Variants in ARIH1 observed in about 807,000 individuals in gnomAD.
ARIH1 encodes the protein E3 ubiquitin-protein ligase ARIH1.
A neutral mutation model predicts 85.0 loss-of-function variants in ARIH1; 8 were observed. That is an observed-to-expected ratio of 0.09 (90% CI 0.06 to 0.17). ARIH1 has a LOEUF of 0.17. Ranked by LOEUF, ARIH1 falls within the 10% of genes least tolerant of loss-of-function variation. The pLI, the probability that ARIH1 is intolerant of heterozygous loss-of-function variation, is 1.00. For synonymous variants in ARIH1, 238 were observed against 253.6 expected, an observed-to-expected ratio of 0.94 and a Z score of 0.59; for missense variants, 311 against 718.1, an observed-to-expected ratio of 0.43 and a Z score of 6.48.
intron 11 of ARIH1, among the ~76,000 whole-genome samples, chr15:72,575,485 A>C (rs956258981): frequency 5.6e-5 from 8 of 142,996 alleles, no homozygotes; most frequent in Non-Finnish European, 6.0e-5. Flanking sequence ...GAGCCTGGGA[A>C]GACTTCAGTG....
At chr15:72,562,629 G>T (rs1161602346) in intron 6 of ARIH1, among the ~76,000 whole-genome samples, 3 of 149,914 alleles carry the variant, frequency 2.0e-5, no homozygotes, top group Non-Finnish European at 4.4e-5. Context: ...CTTCTTACAA[G>T]AGCTTTTTAT....
At position 72,597,016 on chromosome 15, in the gene ARIH1, C is replaced by T. The variant is rs1263190584; in HGVS notation, c.*13724C>T. On this transcript the variant is annotated 3_prime_UTR_variant, in exon 14 of 14. Coordinates refer to ENST00000379887, the MANE Select transcript of ARIH1 (RefSeq NM_005744.5). The stretch of plus-strand genomic sequence containing the variant: ...TTCAACATCTGGGTCTTTTCTAGTT[C>T]TGCTTCTATTGAGCCCTTCCTCTCC... 6.6e-6 allele frequency: 1 copy of T among 151,652 alleles called. No homozygotes were observed. Among genetic ancestry groups the T allele is most frequent in the Non-Finnish European group, 1.5e-5 (1 of 67,948 alleles). The allele number at this position is 151,652 out of a possible 1,614,324, so 9.4% of individuals were successfully genotyped here. A position where few individuals can be genotyped will look rare whatever the true frequency, so the allele number is the denominator to read the frequency against.
intron 8 of ARIH1, 43 bp downstream of exon 8, chr15:72,566,648 T>G (rs2064222345): frequency 2.6e-6 from 4 of 1,532,466 alleles, no homozygotes; most frequent in Non-Finnish European, 2.7e-6. Context: ...ATGGCACACT[T>G]CTAAGACTTA....
At chr15:72,571,866 G>A (rs1331702985) in intron 10 of ARIH1, among the ~76,000 whole-genome samples, 1 of 152,138 alleles carries the variant, frequency 6.6e-6, no homozygotes, top group East Asian at 1.9e-4. Context: ...TCACTGGATA[G>A]AGAACTAATT....
chr15:72,593,014 AT>A lies in ARIH1; in HGVS notation c.*9726del, dbSNP rs1195536539. 2 of 152,146 alleles carry A rather than the reference AT, an allele frequency of 1.3e-5. No homozygotes were observed. Among genetic ancestry groups the A allele is most frequent in the Non-Finnish European group, 2.9e-5 (2 of 68,006 alleles). The allele number at this position is 152,146 out of a possible 1,614,324, so 9.4% of individuals were successfully genotyped here. On this transcript the variant is annotated 3_prime_UTR_variant, in exon 14 of 14. Transcript: ENST00000379887. ...TCTTATTCTCCAAAGTGGTTTTACC[AT>A]TTTGTACTCCTATCAGTGATGTATG...
intron 1 of ARIH1, among the ~76,000 whole-genome samples, chr15:72,480,600 T>C (rs1436426428): frequency 1.3e-5 from 2 of 151,944 alleles, no homozygotes; most frequent in African/African-American, 4.8e-5. Context: ...GTTTCTCTCT[T>C]GTTGCCCAGG....
chr15:72,598,403 G>GT lies in ARIH1; in HGVS notation c.*15114dup, dbSNP rs1384167818. 1 of 152,054 alleles carries GT rather than the reference G, an allele frequency of 6.6e-6. No individual in the cohort carries two copies. Among genetic ancestry groups the GT allele is most frequent in the African/African-American group, 2.4e-5 (1 of 41,376 alleles). 9.4% of individuals were successfully genotyped at this position (152,054 alleles called of 1,614,324 possible). ...TCACTAGTGAATTTCAGAAGTAGGA[G>GT]TTTATTTTTTTAATAAAAAATTTTT... On this transcript the variant is annotated 3_prime_UTR_variant, in exon 14 of 14. Transcript: ENST00000379887.
chr15:72,581,884 A>G, intron 12 of ARIH1, 191 bp from the exon 13 acceptor site: 1 of 417,372 alleles, frequency 2.4e-6, no homozygotes, highest in Non-Finnish European at 4.3e-6. Context: ...TTAACATTTA[A>G]AAAATTGTTC....
rs764366385 is a variant in ARIH1, at chr15:72,570,163, GT to G, written c.1027-11del. On this transcript the variant is annotated splice_polypyrimidine_tract_variant and intron_variant, in intron 9 of 13. Transcript: ENST00000379887. Reference sequence around the variant, plus strand: ...GTGTAGCATTGACACCAACTTTATAGTTTCTCTTCATAGGAATGTCCCAAAT... The same window carrying G: ...GTGTAGCATTGACACCAACTTTATAGTTCTCTTCATAGGAATGTCCCAAAT... 5.0e-6 allele frequency: 8 copies of G among 1,613,166 alleles called. No individual in the cohort carries two copies. The highest frequency in any genetic ancestry group is 6.8e-6 in the Non-Finnish European group (8 of 1,179,572).
chr15:72,565,101 AT>A, intron 7 of ARIH1, among the ~76,000 whole-genome samples: 2 of 152,224 alleles, frequency 1.3e-5, no homozygotes, highest in Non-Finnish European at 2.9e-5. Context: ...GTCTCACTCC[AT>A]CACCCAGGCT....
In ARIH1 at chr15:72,595,808, G is replaced by GTTTTTTTTTTTTTTTTTTCTTT. The variant is rs2064361248; in HGVS notation, c.*12535_*12536insTTTTTTTTTTTTTTTTTTTTTC. 8.1e-6 allele frequency: 1 copy of GTTTTTTTTTTTTTTTTTTCTTT among 122,834 alleles called. No homozygotes were observed. Among genetic ancestry groups the GTTTTTTTTTTTTTTTTTTCTTT allele is most frequent in the Non-Finnish European group, 1.7e-5 (1 of 57,680 alleles). 7.6% of individuals were successfully genotyped at this position (122,834 alleles called of 1,614,324 possible). On this transcript the variant is annotated 3_prime_UTR_variant, in exon 14 of 14. Coordinates refer to ENST00000379887, the MANE Select transcript of ARIH1 (RefSeq NM_005744.5). ...TATTGCAGTGTTTTTTGTTTTTTCTGTTTTTTTTTTTTTTTTTTCATCTTT... is the reference window on the plus strand; with the variant it reads ...TATTGCAGTGTTTTTTGTTTTTTCTGTTTTTTTTTTTTTTTTTTCTTTTTTTTTTTTTTTTTTTTTCATCTTT...
At chr15:72,575,312 C>T (rs944045194) in intron 11 of ARIH1, among the ~76,000 whole-genome samples, 34 of 152,110 alleles carry the variant, frequency 2.2e-4, no homozygotes, top group Non-Finnish European at 3.2e-4. Flanking sequence ...GGCTCAGTGG[C>T]TCACGCCTGC....
intron 7 of ARIH1, among the ~76,000 whole-genome samples, chr15:72,565,244 GTTTA>G (rs1452809367): frequency 2.0e-5 from 3 of 151,810 alleles, no homozygotes; most frequent in Non-Finnish European, 4.4e-5. Context: ...TTATTTATTT[GTTTA>G]TTTATTTATG....
chr15:72,487,537 C>A (rs2063842307), intron 1 of ARIH1, among the ~76,000 whole-genome samples: 1 of 152,138 alleles, frequency 6.6e-6, no homozygotes, highest in Non-Finnish European at 1.5e-5. Flanking sequence ...ACTTGAAACT[C>A]AAATTTAATA....
intron 1 of ARIH1, among the ~76,000 whole-genome samples, chr15:72,481,287 T>C (rs1266257164): frequency 2.0e-5 from 3 of 152,190 alleles, no homozygotes; most frequent in Non-Finnish European, 4.4e-5. Flanking sequence ...TAGGTGATGG[T>C]GATGCAAGCT....
chr15:72,532,741 A>T (rs906721945), intron 2 of ARIH1, among the ~76,000 whole-genome samples: 3 of 152,252 alleles, frequency 2.0e-5, no homozygotes, highest in African/African-American at 7.2e-5. Context: ...TATAAAAAGG[A>T]GGGTAACCCA....
rs2064305505 is a variant in ARIH1 at position 72,583,990 on chromosome 15, T to C, written c.*698T>C. 1 of 152,256 alleles carries C rather than the reference T, an allele frequency of 6.6e-6. No homozygotes were observed. The highest frequency in any genetic ancestry group is 6.5e-5 in the Admixed American group (1 of 15,284). The allele number at this position is 152,256 out of a possible 1,614,324, so 9.4% of individuals were successfully genotyped here. On this transcript the variant is annotated 3_prime_UTR_variant, in exon 14 of 14. Coordinates refer to ENST00000379887, the MANE Select transcript of ARIH1 (RefSeq NM_005744.5). The stretch of plus-strand genomic sequence containing the variant: ...TTTAATTACAAAAAAATATTTATTC[T>C]TTAAAAATCTTCAAGATTATGTCTA...
intron 2 of ARIH1, among the ~76,000 whole-genome samples, chr15:72,519,159 ATT>A (rs1392866674): frequency 1.3e-5 from 2 of 152,142 alleles, no homozygotes; most frequent in Non-Finnish European, 2.9e-5. Flanking sequence ...TTAATAAAAA[ATT>A]AAACCTAGTT....
At chr15:72,512,752 G>A (rs1336395011) in intron 1 of ARIH1, among the ~76,000 whole-genome samples, 1 of 151,596 alleles carries the variant, frequency 6.6e-6, no homozygotes, top group African/African-American at 2.4e-5. Flanking sequence ...TTTTCTTTGA[G>A]ATTTCCTCTT....
Sources: gnomAD v4.1 joint callset for allele counts (sites outside exome capture counted in the v4.1 genomes callset) on GRCh38, gnomAD v4.1.1 for gene constraint, MANE v1.5 for transcripts, NCBI Gene and HGNC (gene_info 2026-07-23, HGNC 2026-07-21) for gene names.